Variants in TGS1 observed in about 807,000 individuals in gnomAD.
TGS1 encodes trimethylguanosine synthase 1.
A neutral mutation model predicts 92.2 loss-of-function variants in TGS1; 69 were observed. That is an observed-to-expected ratio of 0.75 (90% CI 0.62 to 0.91). The LOEUF (loss-of-function observed/expected upper bound fraction) is 0.91. Among genes scored for constraint, TGS1 ranks in the 40% least tolerant of loss-of-function variants. TGS1 has a pLI of 0.00. For synonymous variants in TGS1, 345 were observed against 338.1 expected (o/e 1.02, Z -0.22); for missense variants, 1,062 against 1,001.2 (o/e 1.06, Z -0.82).
At chr8:55,814,317 G>A (rs79585746) in intron 12 of TGS1, among the ~76,000 whole-genome samples, 1 of 151,944 alleles carries the variant, frequency 6.6e-6, no homozygotes, top group African/African-American at 2.4e-5. Context: ...CTAGGATGAG[G>A]CCCGAAAGTT....
chr8:55,797,607 C>T (rs1812096297), intron 7 of TGS1, among the ~76,000 whole-genome samples: 1 of 152,142 alleles, frequency 6.6e-6, no homozygotes, highest in Non-Finnish European at 1.5e-5. Flanking sequence ...CTGAAATATT[C>T]ATATATTGGA....
intron 5 of TGS1, among the ~76,000 whole-genome samples, chr8:55,790,796 G>T (rs949211871): frequency 6.6e-6 from 1 of 152,138 alleles, no homozygotes; most frequent in African/African-American, 2.4e-5. Flanking sequence ...TGGGATTACA[G>T]GTGTGAGCCA....
chr8:55,805,027 G>A lies in TGS1; in HGVS notation c.2134G>A (p.Gly712Arg), dbSNP rs770919419. ...GGNTIQFALT[G>R]MRVIAIDIDP... ...AAATACCATTCAGTTTGCCTTAACA[G>A]GAATGAGAGGTAATTAGCCATCAAT... Residue 712 changes from glycine (G) to arginine (R), a missense_variant, in exon 10 of 13, where the codon GGA becomes AGA. Physicochemically the swap from Gly to Arg is moderately radical, Grantham distance 125. Coordinates refer to ENST00000260129, the MANE Select transcript of TGS1 (RefSeq NM_024831.8). The A allele has an allele frequency of 6.2e-7, 1 of 1,613,240 alleles. No individual in the cohort carries two copies. Among genetic ancestry groups the A allele is most frequent in the South Asian group, 1.1e-5 (1 of 90,950 alleles).
chr8:55,799,265 T>A lies in TGS1; in HGVS notation c.1849+45T>A, dbSNP rs561112811. ...AACTTGCTAATGGATTTAGATAAAA[T>A]TTTTTTTGTTAATATGTTTTTTCTT... On this transcript the variant is annotated intron_variant, in intron 8 of 12. Coordinates refer to ENST00000260129, the MANE Select transcript of TGS1 (RefSeq NM_024831.8). 2.7e-5 allele frequency: 40 copies of A among 1,508,366 alleles called. No homozygotes were observed. In the Admixed American group the frequency reaches 3.3e-4, roughly 12 times the overall value. The allele number at this position is 1,508,366 out of a possible 1,614,324, so 93.4% of individuals were successfully genotyped here.
At chr8:55,790,059 C>T in intron 4 of TGS1, 123 bp from the exon 5 acceptor site, 1 of 680,336 alleles carries the variant, frequency 1.5e-6, no homozygotes, top group Non-Finnish European at 2.6e-6. Flanking sequence ...TGAGCTGGCA[C>T]TTTGATGCAC....
Position 55,782,946 on chromosome 8 carries a change from A to G in TGS1, c.166+134A>G, listed in dbSNP as rs1325226599. 4.9e-6 allele frequency: 3 copies of G among 614,860 alleles called. No homozygotes were observed. In the East Asian group the frequency reaches 9.2e-5, roughly 19 times the overall value. The allele number at this position is 614,860 out of a possible 1,614,324, so 38.1% of individuals were successfully genotyped here. A position where few individuals can be genotyped will look rare whatever the true frequency, so the allele number is the denominator to read the frequency against. On this transcript the variant is annotated intron_variant, in intron 2 of 12. Coordinates refer to ENST00000260129, the MANE Select transcript of TGS1 (RefSeq NM_024831.8). ...AAATGCCAAATAATTCTGTAATCAG[A>G]CAATTTTTATTTTCTTTTATAACAT...
chr8:55,775,645 T>C (rs1442173540), intron 1 of TGS1, among the ~76,000 whole-genome samples: 2 of 152,190 alleles, frequency 1.3e-5, no homozygotes, highest in Non-Finnish European at 2.9e-5. Flanking sequence ...ATGAGTTTGA[T>C]TTTATACATT....
At chr8:55,804,778 A>G in intron 9 of TGS1, 115 bp from the exon 10 acceptor site, 1 of 887,114 alleles carries the variant, frequency 1.1e-6, no homozygotes, top group East Asian at 2.7e-5. Context: ...TAATTTTTTA[A>G]AAAGGGAAAC....
chr8:55,812,334 C>T (rs1803360900), intron 11 of TGS1, among the ~76,000 whole-genome samples: 1 of 151,928 alleles, frequency 6.6e-6, no homozygotes, highest in Admixed American at 6.6e-5. Context: ...TCAAGACCAG[C>T]CTGGCCAACA....
chr8:55,784,767 C>T (rs926236818), intron 2 of TGS1, among the ~76,000 whole-genome samples: 1 of 152,200 alleles, frequency 6.6e-6, no homozygotes, highest in African/African-American at 2.4e-5. Flanking sequence ...AATAACTTCA[C>T]AAATCATGAT....
chr8:55,822,225 A>AC (rs1182966137), intron 12 of TGS1, among the ~76,000 whole-genome samples: 1 of 151,092 alleles, frequency 6.6e-6, no homozygotes. Flanking sequence ...GCCCGCCACC[A>AC]CCCCCAGCAA....
Position 55,796,345 on chromosome 8 carries a change from G to A in TGS1, c.1542+193G>A, listed in dbSNP as rs76675897. On this transcript the variant is annotated intron_variant, in intron 7 of 12. Coordinates refer to ENST00000260129, the MANE Select transcript of TGS1 (RefSeq NM_024831.8). ...CTGAAAAAAGGCAAGTTGAGGTAGG[G>A]TGAAAAGGAAGTGTTTGAAAGCTAC... 5.9e-3 allele frequency among the ~76,000 whole-genome samples: 904 copies of A among 152,126 alleles called. 5 individuals are homozygous for A. Among genetic ancestry groups the A allele is most frequent in the African/African-American group, 0.02 (834 of 41,500 alleles).
chr8:55,795,109 G>A (rs568926538), intron 6 of TGS1, among the ~76,000 whole-genome samples: 17 of 152,198 alleles, frequency 1.1e-4, no homozygotes, highest in Admixed American at 9.2e-4. Context: ...CATGTAAAAA[G>A]GTTTTTAAAT....
rs1803747375 is a variant in TGS1 at position 55,824,771 on chromosome 8, T to A, written c.*68T>A. 7 of 1,573,160 alleles carry A rather than the reference T, an allele frequency of 4.4e-6. No homozygotes were observed. The highest frequency in any genetic ancestry group is 5.2e-6 in the Non-Finnish European group (6 of 1,152,114). On this transcript the variant is annotated 3_prime_UTR_variant, in exon 13 of 13. Transcript: ENST00000260129. ...ATATTCAGATGAGACATTTGGCATG[T>A]CTTCCTTTATTCACTGATATTTTCT...
rs1211564025 is a variant in TGS1, at chr8:55,813,473, T to G, written c.2439+355T>G. On this transcript the variant is annotated intron_variant, in intron 12 of 12. Transcript: ENST00000260129. ...ACTGTCTCAAAAAAAATAGAGAGAT[T>G]TGATGATATCTTCATTTCATGTTTT... Among the ~76,000 whole-genome samples, 4 of 152,346 alleles carry G rather than the reference T, an allele frequency of 2.6e-5. 1 individual carries two copies. In the South Asian group the frequency reaches 6.2e-4, roughly 24 times the overall value.
At chr8:55,822,503 A>G (rs1251455461) in intron 12 of TGS1, among the ~76,000 whole-genome samples, 1 of 152,168 alleles carries the variant, frequency 6.6e-6, no homozygotes, top group Non-Finnish European at 1.5e-5. Flanking sequence ...TTGTGAAAAA[A>G]TGATAAACTG....
chr8:55,808,709 A>G (rs752817601), intron 10 of TGS1, among the ~76,000 whole-genome samples: 1 of 151,998 alleles, frequency 6.6e-6, no homozygotes, highest in Non-Finnish European at 1.5e-5. Context: ...GGGTTTCACC[A>G]TGTTGGCCAG....
At chr8:55,813,814 A>G (rs1803400072) in intron 12 of TGS1, among the ~76,000 whole-genome samples, 1 of 151,954 alleles carries the variant, frequency 6.6e-6, no homozygotes, top group African/African-American at 2.4e-5. Context: ...TTTTCCTTCT[A>G]CATTACCTCT....
At position 55,786,929 on chromosome 8, in the gene TGS1, GT is replaced by G. The variant is rs1159916880; in HGVS notation, c.1032del (p.His345IlefsTer4). 1 of 1,613,998 alleles carries G rather than the reference GT, an allele frequency of 6.2e-7. No homozygotes were observed. ...TTAGATTCCTGTACAAGTCATGATG[GT>G]CATCAACAGCTAAGTGAAGTTAGTA... Reference protein sequence around the residue: ...SQLDSCTSHDGHQQLSEVSSK... With the variant: ...SQLDSCTSHDXHQQLSEVSSK... On this transcript the variant is annotated frameshift_variant, in exon 4 of 13. Transcript: ENST00000260129. LOFTEE classifies it high-confidence loss of function.
Sources: allele counts gnomAD v4.1 joint callset (sites outside exome capture counted in the v4.1 genomes callset), GRCh38; gene constraint gnomAD v4.1.1; transcripts MANE v1.5; gene names NCBI Gene and HGNC (gene_info 2026-07-23, HGNC 2026-07-21).